Variants in ATP9A observed in about 807,000 individuals in gnomAD.
The protein encoded by ATP9A is ATPase phospholipid transporting 9A.
In ATP9A, 52 loss-of-function variants were observed where a neutral mutation model predicts 144.1. That is an observed-to-expected ratio of 0.36 (90% CI 0.29 to 0.45). The LOEUF (loss-of-function observed/expected upper bound fraction) is 0.45. Among genes scored for constraint, ATP9A ranks in the 20% least tolerant of loss-of-function variants. ATP9A has a pLI of 1.00. For synonymous variants in ATP9A, 582 were observed against 557.4 expected (o/e 1.04, Z -0.62); for missense variants, 947 against 1,392.7 (o/e 0.68, Z 5.09).
intron 14 of ATP9A, among the ~76,000 whole-genome samples, chr20:51,655,340 A>G (rs2077382628): frequency 6.6e-6 from 1 of 152,248 alleles, no homozygotes; most frequent in Non-Finnish European, 1.5e-5. Context: ...CTAAAATCCC[A>G]GCACTCTGGG....
chr20:51,649,893 G>C (rs904870904), intron 14 of ATP9A, among the ~76,000 whole-genome samples: 11 of 140,796 alleles, frequency 7.8e-5, no homozygotes, highest in African/African-American at 2.9e-4. Flanking sequence ...AGCCTGGGCA[G>C]CAGAGCGAGA....
In ATP9A at chr20:51,682,843, T is replaced by C. The variant is rs370414095; in HGVS notation, c.799+6221A>G. 8.2e-4 allele frequency among the ~76,000 whole-genome samples: 119 copies of C among 144,734 alleles called. 1 individual carries two copies. Among genetic ancestry groups the C allele is most frequent in the East Asian group, 2.0e-3 (9 of 4,448 alleles). The allele number at this position is 144,734 out of a possible 152,430, so 95.0% of individuals were successfully genotyped here. A position where few individuals can be genotyped will look rare whatever the true frequency, so the allele number is the denominator to read the frequency against. ...CCTGACCTCAGGTGATCCAGCCGCA[T>C]TGGCCTCCCAAAGTGCTGGGATTAC... On this transcript the variant is annotated intron_variant, in intron 9 of 27. Coordinates refer to ENST00000338821, the MANE Select transcript of ATP9A (RefSeq NM_006045.3).
chr20:51,626,458 A>G (rs563782379), intron 17 of ATP9A, among the ~76,000 whole-genome samples: 1 of 151,908 alleles, frequency 6.6e-6, no homozygotes, highest in Non-Finnish European at 1.5e-5. Flanking sequence ...CATTGGCACT[A>G]CAGTCTGGGC....
Position 51,600,948 on chromosome 20 carries a change from G to A in ATP9A, c.*263C>T, listed in dbSNP as rs946749594. 1 of 312,112 alleles carries A rather than the reference G, an allele frequency of 3.2e-6. No homozygotes were observed. Among genetic ancestry groups the A allele is most frequent in the Non-Finnish European group, 5.8e-6 (1 of 171,700 alleles). The allele number at this position is 312,112 out of a possible 1,614,324, so 19.3% of individuals were successfully genotyped here. On this transcript the variant is annotated 3_prime_UTR_variant, in exon 28 of 28. Transcript: ENST00000338821. ...AGTGACCCATATAAATCTCCCAGCT[G>A]AGCCACCAGCTTTAACATATTCATA...
intron 1 of ATP9A, among the ~76,000 whole-genome samples, chr20:51,738,610 T>A (rs1348162474): frequency 6.6e-6 from 1 of 152,046 alleles, no homozygotes; most frequent in African/African-American, 2.4e-5. Context: ...TCGGGAGGAT[T>A]GACGCAGGAG....
intron 6 of ATP9A, among the ~76,000 whole-genome samples, chr20:51,695,674 G>A (rs1480600853): frequency 6.6e-6 from 1 of 152,104 alleles, no homozygotes; most frequent in East Asian, 1.9e-4. Flanking sequence ...GGGCAGAAAA[G>A]ACGCCCACCT....
intron 13 of ATP9A, among the ~76,000 whole-genome samples, chr20:51,658,983 A>G (rs2077400589): frequency 7.1e-6 from 1 of 141,430 alleles, no homozygotes; most frequent in African/African-American, 2.7e-5. Flanking sequence ...CCCTCATGCC[A>G]TCTTCCTCCC....
rs1265275657 is a variant in ATP9A, at chr20:51,625,783, G to A, written c.1846-421C>T. Among the ~76,000 whole-genome samples the A allele has an allele frequency of 1.6e-4, 25 of 152,322 alleles. No individual in the cohort carries two copies. In the East Asian group the frequency reaches 2.5e-3, roughly 15 times the overall value. On this transcript the variant is annotated intron_variant, in intron 17 of 27. Transcript: ENST00000338821. ...CACCAGGTTTTCTAAAGACCAAGTCGAGCTTCTGAAGACCATCAACCCAAA... is the reference window on the plus strand; with the variant it reads ...CACCAGGTTTTCTAAAGACCAAGTCAAGCTTCTGAAGACCATCAACCCAAA...
chr20:51,763,923 A>G (rs915695346), intron 1 of ATP9A, among the ~76,000 whole-genome samples: 5 of 152,096 alleles, frequency 3.3e-5, no homozygotes, highest in African/African-American at 9.7e-5. Context: ...ATAGTTATTC[A>G]TTTTCCTAAA....
intron 8 of ATP9A, 66 bp downstream of exon 8, chr20:51,690,673 T>G: frequency 7.4e-7 from 1 of 1,350,258 alleles, no homozygotes. Flanking sequence ...TCAGTACTTC[T>G]TGGCCTTCAT....
intron 14 of ATP9A, among the ~76,000 whole-genome samples, chr20:51,653,774 A>C (rs186187543): frequency 1.4e-3 from 212 of 148,122 alleles, no homozygotes; most frequent in African/African-American, 3.7e-3. Flanking sequence ...GCGACAGAGC[A>C]AAAAAAAAAG....
rs372897593 is a variant in ATP9A, at chr20:51,728,559, C to T, written c.213+1275G>A. Reference sequence around the variant, plus strand: ...AGGAGAATTGCTTGAACCCAGGAGGCGGAGGTTGCAGTGAGCCAAGATGGC... The same window carrying T: ...AGGAGAATTGCTTGAACCCAGGAGGTGGAGGTTGCAGTGAGCCAAGATGGC... On this transcript the variant is annotated intron_variant, in intron 2 of 27. Coordinates refer to ENST00000338821, the MANE Select transcript of ATP9A (RefSeq NM_006045.3). Among the ~76,000 whole-genome samples the T allele has an allele frequency of 2.2e-4, 32 of 146,556 alleles. 3 individuals carry two copies. Among genetic ancestry groups the T allele is most frequent in the Admixed American group, 2.1e-4 (3 of 14,210 alleles).
Position 51,638,096 on chromosome 20 carries a change from T to TTTCATC in ATP9A, c.1668+1246_1668+1247insGATGAA, listed in dbSNP as rs1270703629. On this transcript the variant is annotated intron_variant, in intron 15 of 27. Transcript: ENST00000338821. ...TTATATATATATATATATATATATA[T>TTTCATC]ATATATATATATATATATATATATA... Among the ~76,000 whole-genome samples the TTTCATC allele has an allele frequency of 6.3e-5, 4 of 63,840 alleles. 1 individual carries two copies. Among genetic ancestry groups the TTTCATC allele is most frequent in the African/African-American group, 2.1e-4 (4 of 19,080 alleles). 41.9% of individuals were successfully genotyped at this position (63,840 alleles called of 152,430 possible).
chr20:51,719,103 G>T, intron 3 of ATP9A, among the ~76,000 whole-genome samples: 1 of 151,652 alleles, frequency 6.6e-6, no homozygotes, highest in East Asian at 1.9e-4. Context: ...ATTCCAGCCT[G>T]GGCGACAGAG....
At chr20:51,645,022 G>A (rs1233834234) in intron 14 of ATP9A, among the ~76,000 whole-genome samples, 1 of 152,190 alleles carries the variant, frequency 6.6e-6, no homozygotes, top group African/African-American at 2.4e-5. Context: ...GACCCCACAG[G>A]TTCATGTTAG....
chr20:51,757,587 T>C (rs1435388456), intron 1 of ATP9A, among the ~76,000 whole-genome samples: 1 of 152,124 alleles, frequency 6.6e-6, no homozygotes, highest in African/African-American at 2.4e-5. Flanking sequence ...TCCCCCAGAG[T>C]TTCTGCAAAT....
At chr20:51,628,322 A>G (rs1437870669) in intron 16 of ATP9A, among the ~76,000 whole-genome samples, 2 of 152,134 alleles carry the variant, frequency 1.3e-5, no homozygotes, top group Non-Finnish European at 2.9e-5. Context: ...CACGTCACAA[A>G]CTGGGTTGTG....
intron 3 of ATP9A, among the ~76,000 whole-genome samples, chr20:51,720,135 G>T (rs2077682537): frequency 6.6e-6 from 1 of 152,202 alleles, no homozygotes; most frequent in African/African-American, 2.4e-5. Flanking sequence ...GACAAGAAAT[G>T]AAAGTATTGC....
At chr20:51,711,852 ATTTT>A (rs11469394) in intron 4 of ATP9A, among the ~76,000 whole-genome samples, 2 of 120,920 alleles carry the variant, frequency 1.7e-5, no homozygotes, top group Non-Finnish European at 3.3e-5. Context: ...TTCAATTTCA[ATTTT>A]TTTTTTTTTT....
Sources: gnomAD v4.1 joint callset for allele counts (sites outside exome capture counted in the v4.1 genomes callset) on GRCh38, gnomAD v4.1.1 for gene constraint, MANE v1.5 for transcripts, NCBI Gene and HGNC (gene_info 2026-07-23, HGNC 2026-07-21) for gene names.